Variants in GRID1 observed in about 807,000 individuals in gnomAD.
GRID1 encodes glutamate ionotropic receptor delta type subunit 1.
In GRID1, 28 loss-of-function variants were observed where a neutral mutation model predicts 98.0. The ratio of observed to expected loss-of-function variants is 0.29; its 90% CI spans 0.21 to 0.39. The LOEUF is 0.39. Among genes scored for constraint, GRID1 ranks in the 10% least tolerant of loss-of-function variants. GRID1 has a pLI of 1.00. For synonymous variants in GRID1, 553 were observed against 538.5 expected (o/e 1.03, Z -0.37); for missense variants, 1,111 against 1,340.5 (o/e 0.83, Z 2.67).
intron 13 of GRID1, among the ~76,000 whole-genome samples, chr10:85,631,674 T>C (rs889598815): frequency 6.6e-6 from 1 of 152,294 alleles, no homozygotes; most frequent in South Asian, 2.1e-4. Flanking sequence ...AAGGGACACA[T>C]TGATTTTCAA....
chr10:85,763,940 C>A (rs573523881), intron 8 of GRID1, among the ~76,000 whole-genome samples: 1 of 152,260 alleles, frequency 6.6e-6, no homozygotes, highest in East Asian at 1.9e-4. Context: ...CCAGCAAAGT[C>A]TCTGAGAGAC....
intron 5 of GRID1, among the ~76,000 whole-genome samples, chr10:85,871,767 A>T (rs1843280757): frequency 6.6e-6 from 1 of 152,220 alleles, no homozygotes; most frequent in Admixed American, 6.5e-5. Context: ...AAGCCTGGTC[A>T]GTTGAAACTG....
chr10:86,346,357 G>C (rs1411136950), intron 2 of GRID1, among the ~76,000 whole-genome samples: 2 of 152,214 alleles, frequency 1.3e-5, no homozygotes, highest in East Asian at 3.9e-4. Flanking sequence ...GATTAAGTAG[G>C]GACTGGTGCT....
At chr10:85,989,606 G>A (rs1035029699) in intron 4 of GRID1, among the ~76,000 whole-genome samples, 3 of 152,178 alleles carry the variant, frequency 2.0e-5, no homozygotes, top group African/African-American at 7.2e-5. Flanking sequence ...TCTAGGTTGT[G>A]CACTCATGAG....
chr10:85,807,704 T>A (rs2131742489), intron 8 of GRID1, among the ~76,000 whole-genome samples: 1 of 152,232 alleles, frequency 6.6e-6, no homozygotes. Flanking sequence ...TCGAGTGGCA[T>A]AAATAAGAAG....
At chr10:86,095,300 G>A (rs1294643237) in intron 4 of GRID1, among the ~76,000 whole-genome samples, 1 of 152,140 alleles carries the variant, frequency 6.6e-6, no homozygotes, top group Non-Finnish European at 1.5e-5. Context: ...CTTAGGCAAG[G>A]ATTTCGTGAC....
At chr10:85,616,883 G>A (rs557953620) in intron 14 of GRID1, among the ~76,000 whole-genome samples, 1 of 152,246 alleles carries the variant, frequency 6.6e-6, no homozygotes, top group East Asian at 1.9e-4. Context: ...CACAGTAGGT[G>A]CTCAATAAAT....
At chr10:85,753,342 T>C (rs1384217625) in intron 8 of GRID1, among the ~76,000 whole-genome samples, 1 of 152,132 alleles carries the variant, frequency 6.6e-6, no homozygotes, top group Non-Finnish European at 1.5e-5. Context: ...ATGTAGACAG[T>C]GAGGGCACTG....
At chr10:86,326,934 G>A (rs756160803) in intron 2 of GRID1, among the ~76,000 whole-genome samples, 2 of 152,182 alleles carry the variant, frequency 1.3e-5, no homozygotes, top group Non-Finnish European at 2.9e-5. Flanking sequence ...TCAGGAGTTC[G>A]AGACCAGCCT....
intron 4 of GRID1, among the ~76,000 whole-genome samples, chr10:86,084,887 G>A (rs147916091): frequency 8.9e-4 from 136 of 152,216 alleles, no homozygotes; most frequent in African/African-American, 3.1e-3. Context: ...GGGAGGAATG[G>A]GGAGTTATTG....
rs112499186 is a variant in GRID1 at position 85,690,212 on chromosome 10, T to A, written c.1997+32791A>T. On this transcript the variant is annotated intron_variant, in intron 12 of 15. Coordinates refer to ENST00000327946, the MANE Select transcript of GRID1 (RefSeq NM_017551.3). ...GCATTTTTCTTTTGCTTAGATTTAATTGTCTTTAAAGAATATGTACTTTTA... is the reference window on the plus strand; with the variant it reads ...GCATTTTTCTTTTGCTTAGATTTAAATGTCTTTAAAGAATATGTACTTTTA... Among the ~76,000 whole-genome samples, 598 of 152,308 alleles carry A rather than the reference T, an allele frequency of 3.9e-3. 5 individuals are homozygous for A. The highest frequency in any genetic ancestry group is 0.013 in the African/African-American group (547 of 41,582).
At chr10:86,273,821 C>G (rs1166379534) in intron 2 of GRID1, among the ~76,000 whole-genome samples, 1 of 152,090 alleles carries the variant, frequency 6.6e-6, no homozygotes, top group East Asian at 1.9e-4. Context: ...AGCCCTTTGT[C>G]AGATGAGTAG....
intron 8 of GRID1, among the ~76,000 whole-genome samples, chr10:85,829,675 A>G (rs1842850623): frequency 5.3e-5 from 8 of 152,200 alleles, no homozygotes; most frequent in Admixed American, 5.2e-4. Context: ...TGGAGAGCCA[A>G]ATTAAGAACA....
chr10:86,088,755 T>C (rs563943834), intron 4 of GRID1, among the ~76,000 whole-genome samples: 1 of 152,074 alleles, frequency 6.6e-6, no homozygotes. Context: ...GATTATTCAA[T>C]GAAGAGAAGA....
intron 4 of GRID1, among the ~76,000 whole-genome samples, chr10:86,020,622 G>A (rs1843036383): frequency 1.3e-5 from 2 of 152,222 alleles, no homozygotes; most frequent in Admixed American, 1.3e-4. Context: ...ATGGAGTGGG[G>A]AGAGTGGAAA....
chr10:86,268,743 C>T (rs1473181485), intron 2 of GRID1, among the ~76,000 whole-genome samples: 1 of 152,206 alleles, frequency 6.6e-6, no homozygotes, highest in South Asian at 2.1e-4. Context: ...ATAATCCCAG[C>T]ACTCTGGGAT....
At chr10:86,227,748 G>T (rs1380413767) in intron 2 of GRID1, among the ~76,000 whole-genome samples, 1 of 152,074 alleles carries the variant, frequency 6.6e-6, no homozygotes, top group African/African-American at 2.4e-5. Context: ...CCCTCCCAAG[G>T]TGAGCTCCTG....
chr10:85,832,940 G>A (rs1309801647), intron 8 of GRID1, among the ~76,000 whole-genome samples: 2 of 151,968 alleles, frequency 1.3e-5, no homozygotes, highest in African/African-American at 2.4e-5. Context: ...GGACTCCCCT[G>A]AACCACCATG....
chr10:86,089,552 A>G (rs758421198), intron 4 of GRID1, among the ~76,000 whole-genome samples: 6 of 152,234 alleles, frequency 3.9e-5, no homozygotes, highest in African/African-American at 7.2e-5. Context: ...ACAAAGATCC[A>G]GGAAGAACTC....
Sources: gnomAD v4.1 joint callset for allele counts (sites outside exome capture counted in the v4.1 genomes callset) on GRCh38, gnomAD v4.1.1 for gene constraint, MANE v1.5 for transcripts, NCBI Gene and HGNC (gene_info 2026-07-23, HGNC 2026-07-21) for gene names.